The following GGACT variants were observed in gnomAD, a reference collection of about 807,000 sequenced individuals.
GGACT encodes the protein gamma-glutamylaminecyclotransferase.
For missense variants in GGACT, 241 were observed against 233.2 expected (o/e 1.03, Z -0.22); for synonymous variants, 118 against 115.3 (o/e 1.02, Z -0.15).
rs573643360 is a variant in GGACT, at chr13:100,582,863, C to T, written c.-11+962G>A. ...TAACCATGATGCTAATATTTGTCTC[C>T]CACATAATAGAAATTCCAACACCTT... is the stretch of plus-strand genomic sequence containing the variant. On this transcript the variant is annotated intron_variant, in intron 2 of 2. Transcript: ENST00000683975. 1.1e-4 allele frequency among the ~76,000 whole-genome samples: 17 copies of T among 152,268 alleles called. No individual in the cohort carries two copies. In the South Asian group the frequency reaches 3.3e-3, roughly 30 times the overall value.
chr13:100,560,023 T>A (rs1374166878), intron 2 of GGACT, among the ~76,000 whole-genome samples: 1 of 152,144 alleles, frequency 6.6e-6, no homozygotes, highest in East Asian at 1.9e-4. Context: ...TCCCGTATGA[T>A]TCCATTAGAT....
chr13:100,557,346 A>G (rs2088717713), intron 2 of GGACT, among the ~76,000 whole-genome samples: 1 of 152,222 alleles, frequency 6.6e-6, no homozygotes, highest in Non-Finnish European at 1.5e-5. Flanking sequence ...TGAATATACT[A>G]AGACCCACTT....
rs1307287013 is a variant in GGACT at position 100,532,385 on chromosome 13, C to G, written c.207G>C (p.Ala69=). ...GAAAGCGCAGCATCCGCTCGTCTAC[C>G]GCGTAGACCTCGCCCTCCACGAGGC... ...SGRLVEGEVY[A]VDERMLRFLD... Residue 69 remains alanine, a synonymous_variant, in exon 3 of 3, where the codon GCG becomes GCC. Coordinates refer to ENST00000683975, the MANE Select transcript of GGACT (RefSeq NM_001195087.2). 1.3e-6 allele frequency: 2 copies of G among 1,550,464 alleles called. No individual in the cohort carries two copies. Among genetic ancestry groups the G allele is most frequent in the Non-Finnish European group, 1.7e-6 (2 of 1,146,662 alleles).
chr13:100,571,708 C>T (rs1301736143), intron 2 of GGACT, among the ~76,000 whole-genome samples: 3 of 152,190 alleles, frequency 2.0e-5, no homozygotes, highest in Non-Finnish European at 4.4e-5. Flanking sequence ...GGTGTTTCAT[C>T]TCTGTGAACC....
chr13:100,585,822 C>CAAAAA (rs550006144), intron 1 of GGACT, among the ~76,000 whole-genome samples: 2,164 of 29,726 alleles, frequency 0.073, 459 homozygotes, highest in Non-Finnish European at 0.13. Context: ...CTGTCTCCAC[C>CAAAAA]AAAAAAAAAA....
chr13:100,540,063 A>G (rs2088537712), intron 2 of GGACT: 1 of 1,315,958 alleles, frequency 7.6e-7, no homozygotes, highest in South Asian at 1.2e-5. Context: ...TGGGAAGCAC[A>G]TAGGCATCGA....
intron 2 of GGACT, chr13:100,533,542 T>C (rs2088447825): frequency 6.6e-6 from 1 of 152,194 alleles, no homozygotes; most frequent in Admixed American, 6.5e-5. Flanking sequence ...ACCCTAAAAA[T>C]ACATATAATT....
At chr13:100,557,505 A>G (rs2088718911) in intron 2 of GGACT, among the ~76,000 whole-genome samples, 1 of 146,964 alleles carries the variant, frequency 6.8e-6, no homozygotes, top group Admixed American at 6.9e-5. Flanking sequence ...AAGATGCCAA[A>G]GTAATTCAAT....
chr13:100,549,300 T>C (rs775779202), intron 2 of GGACT, among the ~76,000 whole-genome samples: 2 of 152,178 alleles, frequency 1.3e-5, no homozygotes, highest in South Asian at 2.1e-4. Flanking sequence ...GATTGTGCCA[T>C]TGCACTCCAG....
chr13:100,576,238 A>G (rs966499834), intron 2 of GGACT, among the ~76,000 whole-genome samples: 1 of 152,346 alleles, frequency 6.6e-6, no homozygotes, highest in Non-Finnish European at 1.5e-5. Flanking sequence ...CAAAAACCTA[A>G]TAAAAATAAC....
intron 2 of GGACT, among the ~76,000 whole-genome samples, chr13:100,556,955 T>C (rs765653207): frequency 6.6e-6 from 1 of 152,108 alleles, no homozygotes; most frequent in African/African-American, 2.4e-5. Flanking sequence ...CTCACTGCAA[T>C]CTTGGCTCAC....
intron 2 of GGACT, among the ~76,000 whole-genome samples, chr13:100,548,014 C>T (rs61971604): frequency 1.3e-4 from 20 of 152,358 alleles, no homozygotes; most frequent in African/African-American, 3.4e-4. Context: ...AGCAAAACCC[C>T]GGGCAGCCGG....
chr13:100,570,413 T>G (rs2153016156), intron 2 of GGACT, among the ~76,000 whole-genome samples: 1 of 152,032 alleles, frequency 6.6e-6, no homozygotes, highest in South Asian at 2.1e-4. Context: ...GAGTGCCCCA[T>G]GAAGGGGGAA....
At chr13:100,561,453 C>A (rs1402414872) in intron 2 of GGACT, among the ~76,000 whole-genome samples, 2 of 152,102 alleles carry the variant, frequency 1.3e-5, no homozygotes, top group Non-Finnish European at 2.9e-5. Context: ...GATGGTAAGC[C>A]CTGCCTCCTG....
At chr13:100,542,057 A>G (rs947731814) in intron 2 of GGACT, among the ~76,000 whole-genome samples, 3 of 152,238 alleles carry the variant, frequency 2.0e-5, no homozygotes, top group Admixed American at 1.3e-4. Flanking sequence ...ACTTGTCCCC[A>G]TGGGGACTGA....
chr13:100,544,315 G>A (rs1361364417), intron 2 of GGACT, among the ~76,000 whole-genome samples: 2 of 152,248 alleles, frequency 1.3e-5, no homozygotes, highest in Non-Finnish European at 1.5e-5. Context: ...GCCTGTGTGC[G>A]CGAGGCGGGC....
chr13:100,579,588 C>A (rs1029707481), intron 2 of GGACT, among the ~76,000 whole-genome samples: 1 of 152,118 alleles, frequency 6.6e-6, no homozygotes, highest in Non-Finnish European at 1.5e-5. Context: ...AGGGTCCTAC[C>A]CCATTCCTGG....
At chr13:100,550,692 A>C (rs1157657818) in intron 2 of GGACT, among the ~76,000 whole-genome samples, 1 of 152,154 alleles carries the variant, frequency 6.6e-6, no homozygotes, top group East Asian at 1.9e-4. Flanking sequence ...CCCCGAGAGA[A>C]CGTGCAAAGC....
chr13:100,539,502 CATTG>C, intron 2 of GGACT: 2 of 201,198 alleles, frequency 9.9e-6, no homozygotes. Flanking sequence ...TAGTGTATTA[CATTG>C]ATTGATTTTC....
Sources: gnomAD v4.1 joint callset for allele counts (sites outside exome capture counted in the v4.1 genomes callset) on GRCh38, gnomAD v4.1.1 for gene constraint, MANE v1.5 for transcripts, NCBI Gene and HGNC (gene_info 2026-07-23, HGNC 2026-07-21) for gene names.